The following PRDM10 variants were observed in gnomAD, a reference collection of about 807,000 sequenced individuals.
The protein encoded by PRDM10 is PR/SET domain 10.
In PRDM10, 65 loss-of-function variants were observed where a neutral mutation model predicts 133.1. That is an observed-to-expected ratio of 0.49 (90% CI 0.40 to 0.60). The LOEUF (loss-of-function observed/expected upper bound fraction) is 0.60, where lower values mean the gene tolerates loss of function less well. PRDM10 is among the 20% of genes least tolerant of loss of function. PRDM10 has a pLI of 0.00. For missense variants in PRDM10, 1,137 were observed against 1,507.1 expected (o/e 0.75, Z 4.07); for synonymous variants, 582 against 580.4 (o/e 1.00, Z -0.04).
intron 1 of PRDM10, among the ~76,000 whole-genome samples, chr11:129,986,194 G>A (rs901986593): frequency 2.6e-5 from 4 of 151,276 alleles, no homozygotes; most frequent in Admixed American, 2.6e-4. Context: ...GCTCCCTTGT[G>A]TAGCAGGCTG....
intron 4 of PRDM10, among the ~76,000 whole-genome samples, chr11:129,953,927 A>G (rs1951644560): frequency 6.8e-6 from 1 of 147,946 alleles, no homozygotes; most frequent in Admixed American, 6.8e-5. Flanking sequence ...TTATATATAT[A>G]TAATCCATTG....
At chr11:129,931,764 T>A (rs1950875103) in intron 10 of PRDM10, among the ~76,000 whole-genome samples, 2 of 151,874 alleles carry the variant, frequency 1.3e-5, no homozygotes, top group Non-Finnish European at 2.9e-5. Flanking sequence ...GAGACGGGGT[T>A]TCACCGTGTT....
chr11:129,948,830 G>A (rs549472544), intron 4 of PRDM10, among the ~76,000 whole-genome samples: 2 of 152,190 alleles, frequency 1.3e-5, no homozygotes, highest in Non-Finnish European at 2.9e-5. Flanking sequence ...ACATCAGGGT[G>A]CATTAGTGTT....
chr11:129,985,144 C>T (rs1033253037), intron 1 of PRDM10, among the ~76,000 whole-genome samples: 2 of 152,150 alleles, frequency 1.3e-5, no homozygotes, highest in African/African-American at 2.4e-5. Flanking sequence ...GAATATAGTG[C>T]AGTCTTCTGC....
intron 1 of PRDM10, among the ~76,000 whole-genome samples, chr11:129,980,954 C>T (rs1346347746): frequency 6.7e-6 from 1 of 150,292 alleles, no homozygotes; most frequent in Non-Finnish European, 1.5e-5. Flanking sequence ...TCACTGCAAC[C>T]TCCTCCTCCC....
At chr11:129,930,362 G>C (rs1047903982) in intron 11 of PRDM10, among the ~76,000 whole-genome samples, 1 of 152,214 alleles carries the variant, frequency 6.6e-6, no homozygotes, top group African/African-American at 2.4e-5. Context: ...TCCTAACTCA[G>C]AGTCAAATGC....
At chr11:129,938,633 A>C (rs1390648534) in intron 7 of PRDM10, among the ~76,000 whole-genome samples, 9 of 152,158 alleles carry the variant, frequency 5.9e-5, no homozygotes. Context: ...TGGTCTCCTC[A>C]AATCCCAGTT....
At chr11:129,942,324 CTT>C (rs1314747604) in intron 7 of PRDM10, 100 bp downstream of exon 7, 5 of 1,252,270 alleles carry the variant, frequency 4.0e-6, no homozygotes, top group Non-Finnish European at 4.4e-6. Context: ...CCCCCTCCCC[CTT>C]TTTTGTTAAA....
intron 4 of PRDM10, among the ~76,000 whole-genome samples, chr11:129,951,364 C>T (rs1951577648): frequency 1.3e-5 from 2 of 152,144 alleles, no homozygotes; most frequent in South Asian, 2.1e-4. Flanking sequence ...AAGCGGTAAA[C>T]GTCACCCACG....
At chr11:129,973,818 T>G (rs1937626512) in intron 1 of PRDM10, among the ~76,000 whole-genome samples, 1 of 152,208 alleles carries the variant, frequency 6.6e-6, no homozygotes, top group East Asian at 1.9e-4. Flanking sequence ...GACTCTTATG[T>G]AGATATAAAG....
chr11:129,944,713 A>C, intron 6 of PRDM10, 58 bp downstream of exon 6: 2 of 1,592,806 alleles, frequency 1.3e-6, no homozygotes, highest in Middle Eastern at 1.7e-4. Flanking sequence ...TAGACAACGC[A>C]GTGCTCCTTC....
intron 17 of PRDM10, among the ~76,000 whole-genome samples, chr11:129,914,295 G>A (rs11221896): frequency 0.073 from 11,112 of 152,184 alleles, 1,071 homozygotes; most frequent in East Asian, 0.4. Flanking sequence ...GAGCCACTGC[G>A]CCCAGCCATC....
In PRDM10 at chr11:129,914,898, T is replaced by G. The variant is rs929858864; in HGVS notation, c.2647A>C (p.Ser883Arg). ...SATPAVLTTD[S>R]ATGETVVTTD... ...GTCACCACAGTCTCTCCAGTGGCGC[T>G]GTCTGTAGTCAAAACCGCTGGGGTG... The change falls in exon 17 of 21, where the codon AGC becomes CGC. Residue 883 changes from serine to arginine, a missense_variant. Coordinates refer to ENST00000360871, the MANE Select transcript of PRDM10 (RefSeq NM_199437.2). The G allele has an allele frequency of 1.9e-6, 3 of 1,614,190 alleles. No homozygotes were observed. The highest frequency in any genetic ancestry group is 2.5e-6 in the Non-Finnish European group (3 of 1,180,030).
At chr11:129,985,028 T>C (rs1336834238) in intron 1 of PRDM10, among the ~76,000 whole-genome samples, 1 of 152,208 alleles carries the variant, frequency 6.6e-6, no homozygotes, top group Non-Finnish European at 1.5e-5. Flanking sequence ...GTGCACTACC[T>C]GTCCTCCTGC....
chr11:129,955,460 C>G (rs189860864), intron 4 of PRDM10, 52 bp downstream of exon 4: 1 of 1,555,296 alleles, frequency 6.4e-7, no homozygotes, highest in Non-Finnish European at 8.9e-7. Flanking sequence ...GCATTCCAGG[C>G]GCAGTGGCAT....
At chr11:129,910,443 CT>C (rs1365284373) in intron 19 of PRDM10, 32 bp downstream of exon 19, 42 of 1,612,584 alleles carry the variant, frequency 2.6e-5, no homozygotes, top group Non-Finnish European at 3.6e-5. Context: ...TCCCCCACCC[CT>C]GACCGACACG....
intron 3 of PRDM10, 124 bp from the exon 4 acceptor site, chr11:129,955,695 A>G (rs1951683070): frequency 1.4e-6 from 1 of 723,544 alleles, no homozygotes; most frequent in Non-Finnish European, 2.3e-6. Context: ...GCCAGTAATA[A>G]GCTTTCATTA....
chr11:130,000,526 T>A (rs1179773254), intron 1 of PRDM10, among the ~76,000 whole-genome samples: 3 of 152,214 alleles, frequency 2.0e-5, no homozygotes, highest in South Asian at 2.1e-4. Context: ...GGAACCTTGC[T>A]TTTTCTAAAA....
chr11:129,940,683 A>T (rs927419872), intron 7 of PRDM10, among the ~76,000 whole-genome samples: 1 of 152,206 alleles, frequency 6.6e-6, no homozygotes, highest in African/African-American at 2.4e-5. Flanking sequence ...TAAGCCCAGA[A>T]TGCATTTGCT....
Sources: allele counts gnomAD v4.1 joint callset (sites outside exome capture counted in the v4.1 genomes callset), GRCh38; gene constraint gnomAD v4.1.1; transcripts MANE v1.5; gene names NCBI Gene and HGNC (gene_info 2026-07-23, HGNC 2026-07-21).